Variants in ZNF827 observed in about 807,000 individuals in gnomAD.
The protein encoded by ZNF827 is zinc finger protein 827.
In ZNF827, 13 loss-of-function variants were observed where a neutral mutation model predicts 102.4. The observed-to-expected ratio is 0.13, with a 90% CI of 0.08 to 0.20. The LOEUF (loss-of-function observed/expected upper bound fraction) is 0.20, where lower values mean the gene tolerates loss of function less well. Among genes scored for constraint, ZNF827 ranks in the 10% least tolerant of loss-of-function variants. The probability of loss-of-function intolerance (pLI) is 1.00; values close to 1 mark genes in which losing one functional copy is unlikely to be tolerated. For synonymous variants in ZNF827, 523 were observed against 536.2 expected (o/e 0.98, Z 0.34); for missense variants, 1,103 against 1,344.4 (o/e 0.82, Z 2.81).
chr4:145,842,633 T>C (rs1745527609), intron 7 of ZNF827, among the ~76,000 whole-genome samples: 1 of 152,202 alleles, frequency 6.6e-6, no homozygotes, highest in Non-Finnish European at 1.5e-5. Context: ...CCCTACCTCA[T>C]GTCCTTGGAT....
At chr4:145,899,345 T>A (rs1444596107) in intron 2 of ZNF827, among the ~76,000 whole-genome samples, 1 of 151,242 alleles carries the variant, frequency 6.6e-6, no homozygotes, top group East Asian at 1.9e-4. Flanking sequence ...TTGGGGAGGG[T>A]AGAGGGGACA....
At chr4:145,785,104 G>A (rs908515604) in intron 8 of ZNF827, among the ~76,000 whole-genome samples, 1 of 152,154 alleles carries the variant, frequency 6.6e-6, no homozygotes, top group African/African-American at 2.4e-5. Flanking sequence ...GTAGGATTAA[G>A]CACTTTTGTC....
chr4:145,842,685 C>CGTAGG (rs1745533426), intron 7 of ZNF827, among the ~76,000 whole-genome samples: 1 of 152,096 alleles, frequency 6.6e-6, no homozygotes, highest in Non-Finnish European at 1.5e-5. Flanking sequence ...AGTGGAGGAG[C>CGTAGG]GTAGGCATTC....
intron 1 of ZNF827, among the ~76,000 whole-genome samples, chr4:145,928,841 G>A (rs1267463424): frequency 6.6e-6 from 1 of 152,200 alleles, no homozygotes; most frequent in African/African-American, 2.4e-5. Context: ...CCTGAGGGAG[G>A]TGGGCAGGTG....
intron 4 of ZNF827, among the ~76,000 whole-genome samples, chr4:145,885,037 G>A (rs1349850424): frequency 1.3e-5 from 2 of 151,902 alleles, no homozygotes; most frequent in Non-Finnish European, 2.9e-5. Flanking sequence ...TCAATGGTTT[G>A]CACAACAATG....
chr4:145,928,189 T>C (rs1017687396), intron 1 of ZNF827, among the ~76,000 whole-genome samples: 1 of 152,240 alleles, frequency 6.6e-6, no homozygotes, highest in Non-Finnish European at 1.5e-5. Context: ...ACTGAAATGA[T>C]AACATCCCAG....
chr4:145,866,904 C>T (rs959354007), intron 5 of ZNF827, among the ~76,000 whole-genome samples: 9 of 152,306 alleles, frequency 5.9e-5, no homozygotes, highest in African/African-American at 1.9e-4. Context: ...ACATCATATC[C>T]ATGATAACAC....
At chr4:145,824,337 G>A (rs527567462) in intron 7 of ZNF827, among the ~76,000 whole-genome samples, 34 of 152,246 alleles carry the variant, frequency 2.2e-4, no homozygotes, top group African/African-American at 7.5e-4. Flanking sequence ...TAAGTACTGC[G>A]ATCACATATA....
chr4:145,816,058 T>C (rs545272224), intron 8 of ZNF827, among the ~76,000 whole-genome samples: 8 of 152,354 alleles, frequency 5.3e-5, no homozygotes, highest in African/African-American at 1.9e-4. Flanking sequence ...TTTGTTGAGA[T>C]GGGGTCTTGC....
chr4:145,781,404 C>CA (rs1377416895), intron 8 of ZNF827, among the ~76,000 whole-genome samples: 1 of 151,742 alleles, frequency 6.6e-6, no homozygotes, highest in Non-Finnish European at 1.5e-5. Context: ...GAAGAAGAAA[C>CA]AAATATGAAT....
chr4:145,823,840 G>C (rs1743402878), intron 7 of ZNF827, among the ~76,000 whole-genome samples: 1 of 152,174 alleles, frequency 6.6e-6, no homozygotes, highest in Admixed American at 6.5e-5. Context: ...TATTCTTTCT[G>C]TGTGTTGTGC....
At chr4:145,801,233 T>A (rs569697627) in intron 8 of ZNF827, among the ~76,000 whole-genome samples, 2 of 152,304 alleles carry the variant, frequency 1.3e-5, no homozygotes, top group Admixed American at 6.5e-5. Context: ...TTTGACCCTT[T>A]CAGAATCAAG....
chr4:145,792,185 T>C (rs1354698093), intron 8 of ZNF827, among the ~76,000 whole-genome samples: 1 of 152,180 alleles, frequency 6.6e-6, no homozygotes, highest in Non-Finnish European at 1.5e-5. Flanking sequence ...CTGCATTTCA[T>C]GGCCTCAGAT....
chr4:145,834,681 C>T (rs1744626685), intron 7 of ZNF827, among the ~76,000 whole-genome samples: 1 of 152,092 alleles, frequency 6.6e-6, no homozygotes. Flanking sequence ...AAAAATCCAG[C>T]CCAGTTCATG....
At chr4:145,801,254 T>C (rs1740871221) in intron 8 of ZNF827, among the ~76,000 whole-genome samples, 1 of 152,214 alleles carries the variant, frequency 6.6e-6, no homozygotes, top group Non-Finnish European at 1.5e-5. Context: ...ACCATTGCCC[T>C]GTTAAACTTC....
chr4:145,791,611 A>T (rs1209532864), intron 8 of ZNF827, among the ~76,000 whole-genome samples: 1 of 152,168 alleles, frequency 6.6e-6, no homozygotes, highest in Non-Finnish European at 1.5e-5. Context: ...CTATTATATC[A>T]TTCTCAATAA....
intron 1 of ZNF827, among the ~76,000 whole-genome samples, chr4:145,933,026 T>C (rs1313456772): frequency 6.6e-6 from 1 of 152,220 alleles, no homozygotes. Flanking sequence ...TATTAACACT[T>C]TGTGCAGCAA....
chr4:145,850,396 A>G (rs964482015), intron 5 of ZNF827, among the ~76,000 whole-genome samples: 1 of 152,166 alleles, frequency 6.6e-6, no homozygotes, highest in Non-Finnish European at 1.5e-5. Flanking sequence ...GGTCAATTCA[A>G]CGGAGACATT....
intron 1 of ZNF827, among the ~76,000 whole-genome samples, chr4:145,911,876 C>T (rs1752324215): frequency 6.6e-6 from 1 of 152,192 alleles, no homozygotes; most frequent in Admixed American, 6.5e-5. Context: ...AATGAACAAT[C>T]ATGAAAACAC....
Sources: allele counts gnomAD v4.1 joint callset (sites outside exome capture counted in the v4.1 genomes callset), GRCh38; gene constraint gnomAD v4.1.1; transcripts MANE v1.5; gene names NCBI Gene and HGNC (gene_info 2026-07-23, HGNC 2026-07-21).